SP100: variants seen among roughly 807,000 people sequenced by gnomAD.
SP100 encodes SP100 nuclear body protein.
Under a neutral mutation model 130.0 loss-of-function variants are expected in SP100, and 84 were observed. The ratio of observed to expected loss-of-function variants is 0.65; its 90% CI spans 0.54 to 0.77. The LOEUF (loss-of-function observed/expected upper bound fraction) is 0.77, where lower values mean the gene tolerates loss of function less well. Among genes scored for constraint, SP100 ranks in the 30% least tolerant of loss-of-function variants. SP100 has a pLI of 0.00. For missense variants in SP100, 978 were observed against 1,052.2 expected (o/e 0.93, Z 0.97); for synonymous variants, 331 against 351.7 (o/e 0.94, Z 0.66).
chr2:230,502,999 G>T, intron 19 of SP100, 67 bp from the exon 20 acceptor site: 1 of 1,213,278 alleles, frequency 8.2e-7, no homozygotes, highest in South Asian at 1.4e-5. Flanking sequence ...CATTTGAATG[G>T]TGGTTTTGTA....
intron 26 of SP100, 120 bp from the exon 27 acceptor site, chr2:230,541,181 C>T: frequency 8.2e-7 from 1 of 1,217,134 alleles, no homozygotes; most frequent in African/African-American, 1.5e-5. Context: ...AGAAACTCCC[C>T]ATGCCATGTT....
chr2:230,515,792 C>T lies in SP100; in HGVS notation c.2094+4626C>T. ...TGTTTTTTTGTATAGTTAACCACTA[C>T]CGAATGTGTCTTCAGATAGCCCTGT... On this transcript the variant is annotated intron_variant, in intron 24 of 28. Coordinates refer to ENST00000340126, the MANE Select transcript of SP100 (RefSeq NM_001080391.2). 2.0e-6 allele frequency: 3 copies of T among 1,465,002 alleles called. No individual in the cohort carries two copies. In the South Asian group the frequency reaches 4.4e-5, roughly 21 times the overall value. 90.8% of individuals were successfully genotyped at this position (1,465,002 alleles called of 1,614,324 possible).
chr2:230,452,651 CTTAG>C (rs772876519), intron 8 of SP100, among the ~76,000 whole-genome samples: 2 of 152,066 alleles, frequency 1.3e-5, no homozygotes, highest in Non-Finnish European at 2.9e-5. Context: ...ATTTCACCTC[CTTAG>C]TTAAATTTAT....
intron 8 of SP100, among the ~76,000 whole-genome samples, chr2:230,456,375 G>C (rs956376103): frequency 3.9e-5 from 6 of 152,138 alleles, no homozygotes; most frequent in Non-Finnish European, 5.9e-5. Flanking sequence ...CTTGATTATA[G>C]TATGTTTTGG....
intron 2 of SP100, chr2:230,440,444 A>G: frequency 1.3e-6 from 1 of 784,054 alleles, no homozygotes; most frequent in Non-Finnish European, 1.7e-6. Context: ...TATTTTTTAA[A>G]TTTAATTAAA....
rs1692195073 is a variant in SP100, at chr2:230,541,899, A to G, written c.2411A>G (p.Glu804Gly). Residue 804 changes from glutamate to glycine, a missense_variant, in exon 28 of 29, where the codon GAG (glutamate) becomes GGG (glycine). Physicochemically the swap from Glu to Gly is moderately conservative, Grantham distance 98. Coordinates refer to ENST00000340126, the MANE Select transcript of SP100 (RefSeq NM_001080391.2). Reference protein sequence around the residue: ...FFASEPYYNREGSQGPQKPMW... With the variant: ...FFASEPYYNRGGSQGPQKPMW... The stretch of plus-strand genomic sequence containing the variant: ...TGGTCTTTTACTCAACAGAACAGAG[A>G]GGGGTCTCAGGGCCCACAGAAGCCC... The G allele has an allele frequency of 6.2e-7, 1 of 1,613,932 alleles. No homozygotes were observed. Among genetic ancestry groups the G allele is most frequent in the Non-Finnish European group, 8.5e-7 (1 of 1,179,910 alleles).
intron 2 of SP100, among the ~76,000 whole-genome samples, chr2:230,418,838 G>T (rs1197384841): frequency 6.6e-6 from 1 of 151,936 alleles, no homozygotes; most frequent in East Asian, 1.9e-4. Flanking sequence ...CCAGTACCAC[G>T]CTGCCATAGT....
intron 4 of SP100, among the ~76,000 whole-genome samples, chr2:230,445,097 T>G (rs1443941431): frequency 6.6e-6 from 1 of 152,234 alleles, no homozygotes; most frequent in Non-Finnish European, 1.5e-5. Flanking sequence ...ACAAAACTGA[T>G]TACTCTGCCA....
intron 25 of SP100, 87 bp downstream of exon 25, chr2:230,539,469 G>A (rs1692079244): frequency 1.2e-6 from 1 of 865,740 alleles, no homozygotes; most frequent in Non-Finnish European, 1.9e-6. Flanking sequence ...CAGAGTTTCT[G>A]TACCTGGTTA....
intron 24 of SP100, among the ~76,000 whole-genome samples, chr2:230,512,170 A>T (rs1320686631): frequency 6.6e-6 from 1 of 151,670 alleles, no homozygotes; most frequent in Non-Finnish European, 1.5e-5. Context: ...CTGGCCAGGA[A>T]GAAATAATTT....
chr2:230,459,885 G>T (rs758090690), intron 8 of SP100, among the ~76,000 whole-genome samples: 1 of 152,078 alleles, frequency 6.6e-6, no homozygotes, highest in South Asian at 2.1e-4. Flanking sequence ...CAGTGCCTTC[G>T]TGTGGCCCTT....
intron 26 of SP100, 138 bp from the exon 27 acceptor site, chr2:230,541,163 C>T (rs755865322): frequency 3.9e-5 from 48 of 1,224,426 alleles, no homozygotes; most frequent in Admixed American, 2.8e-4. Context: ...AGAAAAATCC[C>T]GGTCCAAAGA....
At chr2:230,468,848 G>A in intron 13 of SP100, 195 bp from the exon 14 acceptor site, 1 of 244,836 alleles carries the variant, frequency 4.1e-6, no homozygotes. Flanking sequence ...AAAAGTCATT[G>A]ATTTTGCAAT....
chr2:230,541,686 T>C (rs888181840), intron 27 of SP100, among the ~76,000 whole-genome samples: 3 of 151,936 alleles, frequency 2.0e-5, no homozygotes, highest in South Asian at 2.1e-4. Flanking sequence ...CTCTCCAGAG[T>C]CTCTTTTATA....
chr2:230,465,310 A>T (rs1381995278), intron 11 of SP100, among the ~76,000 whole-genome samples: 1 of 152,090 alleles, frequency 6.6e-6, no homozygotes, highest in Non-Finnish European at 1.5e-5. Flanking sequence ...GAGGTGAGAG[A>T]GTCACTGGAA....
At chr2:230,515,038 C>A in intron 24 of SP100, 1 of 1,599,744 alleles carries the variant, frequency 6.3e-7, no homozygotes, top group Non-Finnish European at 8.5e-7. Flanking sequence ...CAAAGCAGAT[C>A]CTAAGAAGCT....
At chr2:230,426,514 T>C (rs1486686155) in intron 2 of SP100, among the ~76,000 whole-genome samples, 1 of 104,730 alleles carries the variant, frequency 9.5e-6, no homozygotes, top group East Asian at 2.0e-4. Context: ...ATGTGTTGTT[T>C]AATGTCCTTA....
Position 230,473,452 on chromosome 2 carries a change from C to T in SP100, c.1546+12C>T, listed in dbSNP as rs1049923593. The T allele has an allele frequency of 6.5e-7, 1 of 1,542,574 alleles. No homozygotes were observed. Among genetic ancestry groups the T allele is most frequent in the South Asian group, 1.1e-5 (1 of 89,572 alleles). ...ATCTGACATGATGGGTAAGGCTACC[C>T]TAGGGTCTTGGGATGGAAGTGGCTC... On this transcript the variant is annotated intron_variant, in intron 16 of 28. Coordinates refer to ENST00000340126, the MANE Select transcript of SP100 (RefSeq NM_001080391.2).
intron 3 of SP100, 137 bp from the exon 4 acceptor site, chr2:230,444,041 A>C (rs1010702940): frequency 1.2e-5 from 8 of 642,210 alleles, no homozygotes; most frequent in Non-Finnish European, 2.0e-5. Flanking sequence ...CTATACAAAT[A>C]AGTAAAAATT....
Sources: gnomAD v4.1 joint callset for allele counts (sites outside exome capture counted in the v4.1 genomes callset) on GRCh38, gnomAD v4.1.1 for gene constraint, MANE v1.5 for transcripts, NCBI Gene and HGNC (gene_info 2026-07-23, HGNC 2026-07-21) for gene names.